NEK9: variants seen among roughly 807,000 people sequenced by gnomAD.
NEK9 encodes the protein NIMA related kinase 9.
A neutral mutation model predicts 123.4 loss-of-function variants in NEK9; 75 were observed. The ratio of observed to expected loss-of-function variants is 0.61; its 90% CI spans 0.50 to 0.74. The LOEUF (loss-of-function observed/expected upper bound fraction) is 0.74, where lower values mean the gene tolerates loss of function less well. Ranked by LOEUF, NEK9 falls within the 30% of genes least tolerant of loss-of-function variation. The pLI is 0.00. For synonymous variants in NEK9, 438 were observed against 458.7 expected, an observed-to-expected ratio of 0.95 and a Z score of 0.58; for missense variants, 952 against 1,214.4, an observed-to-expected ratio of 0.78 and a Z score of 3.21.
chr14:75,126,983 G>C lies in NEK9; in HGVS notation c.-62C>G, dbSNP rs1477645380. ...TGCCCGGAGGCCCTGGCCGCGCTGC[G>C]TCCCGCTCGCTTCAGATGCCGGCCC... On this transcript the variant is annotated 5_prime_UTR_variant, in exon 1 of 22. Coordinates refer to ENST00000238616, the MANE Select transcript of NEK9 (RefSeq NM_033116.6). 1.1e-5 allele frequency: 14 copies of C among 1,332,552 alleles called. No individual in the cohort carries two copies. The highest frequency in any genetic ancestry group is 6.5e-5 in the South Asian group (4 of 61,612). The allele number at this position is 1,332,552 out of a possible 1,614,324, so 82.5% of individuals were successfully genotyped here.
intron 18 of NEK9, among the ~76,000 whole-genome samples, chr14:75,093,352 T>G (rs889213822): frequency 6.6e-6 from 1 of 152,252 alleles, no homozygotes; most frequent in African/African-American, 2.4e-5. Flanking sequence ...TCTGGCCTCC[T>G]ACCCAGATGA....
rs1045097211 is a variant in NEK9 at position 75,109,675 on chromosome 14, G to A, written c.1182+10C>T. 13 of 1,607,890 alleles carry A rather than the reference G, an allele frequency of 8.1e-6. No individual in the cohort carries two copies. The highest frequency in any genetic ancestry group is 6.7e-5 in the African/African-American group (5 of 74,630). On this transcript the variant is annotated intron_variant, in intron 10 of 21. Coordinates refer to ENST00000238616, the MANE Select transcript of NEK9 (RefSeq NM_033116.6). ...ACAGCACTGTTCCAAAATGCTTAGC[G>A]TTCACTTACCACCCAAGTGTACAGT...
chr14:75,120,783 G>T (rs1895304172), intron 3 of NEK9: 1 of 583,838 alleles, frequency 1.7e-6, no homozygotes, highest in Non-Finnish European at 3.0e-6. Flanking sequence ...TCATAAAATA[G>T]TTCCAATGTC....
At position 75,117,472 on chromosome 14, in the gene NEK9, C is replaced by T. The variant is rs546245706; in HGVS notation, c.631-146G>A. 179 of 792,334 alleles carry T rather than the reference C, an allele frequency of 2.3e-4. 2 individuals are homozygous for T. In the African/African-American group the frequency reaches 2.4e-3, roughly 11 times the overall value. 49.1% of individuals were successfully genotyped at this position (792,334 alleles called of 1,614,324 possible). A position where few individuals can be genotyped will look rare whatever the true frequency, so the allele number is the denominator to read the frequency against. On this transcript the variant is annotated intron_variant, in intron 5 of 21. Coordinates refer to ENST00000238616, the MANE Select transcript of NEK9 (RefSeq NM_033116.6). ...AGATTCCAAAATGGTTTTTATGAGA[C>T]GATGCCACTATGGAAAGAAATCTTA... is the stretch of plus-strand genomic sequence containing the variant.
rs1304753165 is a variant in NEK9 at position 75,126,978 on chromosome 14, G to C, written c.-57C>G. 14 of 1,336,392 alleles carry C rather than the reference G, an allele frequency of 1.0e-5. No homozygotes were observed. The highest frequency in any genetic ancestry group is 1.4e-5 in the Non-Finnish European group (14 of 1,019,046). 82.8% of individuals were successfully genotyped at this position (1,336,392 alleles called of 1,614,324 possible). A position where few individuals can be genotyped will look rare whatever the true frequency, so the allele number is the denominator to read the frequency against. ...GCGTATGCCCGGAGGCCCTGGCCGC[G>C]CTGCGTCCCGCTCGCTTCAGATGCC... On this transcript the variant is annotated 5_prime_UTR_variant, in exon 1 of 22. Transcript: ENST00000238616.
intron 6 of NEK9, among the ~76,000 whole-genome samples, chr14:75,116,166 A>T (rs1236547604): frequency 6.6e-6 from 1 of 152,218 alleles, no homozygotes; most frequent in Non-Finnish European, 1.5e-5. Flanking sequence ...AAAAGGCATA[A>T]ATATGCTGGG....
chr14:75,094,990 G>C (rs188756224), intron 18 of NEK9, among the ~76,000 whole-genome samples: 1 of 152,228 alleles, frequency 6.6e-6, no homozygotes, highest in Admixed American at 6.5e-5. Flanking sequence ...GTTTAGCCGA[G>C]TTTTATTCTG....
chr14:75,085,921 T>A (rs1284080649), intron 21 of NEK9, among the ~76,000 whole-genome samples: 1 of 151,716 alleles, frequency 6.6e-6, no homozygotes. Flanking sequence ...CCTGGCGCAG[T>A]GGCTCACACC....
At chr14:75,113,262 T>C in intron 8 of NEK9, 77 bp downstream of exon 8, 2 of 1,111,256 alleles carry the variant, frequency 1.8e-6, no homozygotes, top group Non-Finnish European at 2.7e-6. Flanking sequence ...CACTACTCTT[T>C]CTTTTAGTAC....
At chr14:75,119,274 C>A (rs1895244130) in intron 4 of NEK9, among the ~76,000 whole-genome samples, 1 of 151,376 alleles carries the variant, frequency 6.6e-6, no homozygotes, top group Non-Finnish European at 1.5e-5. Context: ...GATTGCACCA[C>A]TACATTCCAG....
At chr14:75,115,062 C>G (rs553395864) in intron 6 of NEK9, among the ~76,000 whole-genome samples, 1 of 142,470 alleles carries the variant, frequency 7.0e-6, no homozygotes, top group Admixed American at 7.1e-5. Flanking sequence ...TGTACACACA[C>G]GTGTGTGCAC....
chr14:75,114,381 G>T, intron 6 of NEK9, 68 bp from the exon 7 acceptor site: 1 of 1,188,862 alleles, frequency 8.4e-7, no homozygotes, highest in Non-Finnish European at 1.3e-6. Flanking sequence ...ACTGGTAGGG[G>T]CTCTCAGGTG....
At position 75,109,148 on chromosome 14, in the gene NEK9, G is replaced by C. The variant is rs879899418; in HGVS notation, c.1182+537C>G. Among the ~76,000 whole-genome samples, 17 of 152,202 alleles carry C rather than the reference G, an allele frequency of 1.1e-4. 1 individual carries two copies. Among genetic ancestry groups the C allele is most frequent in the Admixed American group, 5.9e-4 (9 of 15,282 alleles). ...GCTGCATTGTAGGTGAATGAAGAGAGAGTGGGAGATAAGGAAACAGACAGC... is the reference window on the plus strand; with the variant it reads ...GCTGCATTGTAGGTGAATGAAGAGACAGTGGGAGATAAGGAAACAGACAGC... On this transcript the variant is annotated intron_variant, in intron 10 of 21. Coordinates refer to ENST00000238616, the MANE Select transcript of NEK9 (RefSeq NM_033116.6).
intron 19 of NEK9, among the ~76,000 whole-genome samples, chr14:75,090,544 T>G (rs986037759): frequency 2.0e-5 from 3 of 151,858 alleles, no homozygotes; most frequent in Non-Finnish European, 4.4e-5. Context: ...TCCATGAAAA[T>G]AAATATACTT....
intron 14 of NEK9, 31 bp downstream of exon 14, chr14:75,103,811 A>G: frequency 6.4e-7 from 1 of 1,569,734 alleles, no homozygotes; most frequent in Non-Finnish European, 8.6e-7. Context: ...AATTCTGATG[A>G]TGTGGTTAGA....
chr14:75,092,036 G>A (rs61980806), intron 18 of NEK9, among the ~76,000 whole-genome samples: 1 of 151,978 alleles, frequency 6.6e-6, no homozygotes, highest in African/African-American at 2.4e-5. Flanking sequence ...CTGGAGTGCA[G>A]TGGCCCGATC....
Position 75,111,487 on chromosome 14 carries a change from T to TTTCCATCAAAGTACAAAG in NEK9, c.939-1134_939-1117dup, listed in dbSNP as rs1236073680. Among the ~76,000 whole-genome samples, 5 of 152,366 alleles carry TTTCCATCAAAGTACAAAG rather than the reference T, an allele frequency of 3.3e-5. No individual in the cohort carries two copies. The East Asian group carries it at 9.6e-4, about 29-fold the overall frequency. Reference sequence around the variant, plus strand: ...CTGTCTGGAAAACTCTGTCTTATGTTTTCCATCAAAGTACAAAGTTCCAAC... The same window carrying TTTCCATCAAAGTACAAAG: ...CTGTCTGGAAAACTCTGTCTTATGTTTTCCATCAAAGTACAAAGTTCCATCAAAGTACAAAGTTCCAAC... On this transcript the variant is annotated intron_variant, in intron 8 of 21. Coordinates refer to ENST00000238616, the MANE Select transcript of NEK9 (RefSeq NM_033116.6).
chr14:75,098,032 G>C (rs1894445804), intron 16 of NEK9, among the ~76,000 whole-genome samples: 1 of 152,198 alleles, frequency 6.6e-6, no homozygotes, highest in Admixed American at 6.5e-5. Context: ...TGGAGGTTTT[G>C]AGCAGTAGTT....
chr14:75,101,418 G>T (rs973519331), intron 15 of NEK9, among the ~76,000 whole-genome samples: 6 of 152,146 alleles, frequency 3.9e-5, no homozygotes, highest in African/African-American at 1.4e-4. Flanking sequence ...ACTTATAAAA[G>T]GTGCTAATCA....
Sources: gnomAD v4.1 joint callset for allele counts (sites outside exome capture counted in the v4.1 genomes callset) on GRCh38, gnomAD v4.1.1 for gene constraint, MANE v1.5 for transcripts, NCBI Gene and HGNC (gene_info 2026-07-23, HGNC 2026-07-21) for gene names.